MYO1D: variants seen among roughly 807,000 people sequenced by gnomAD.
The protein encoded by MYO1D is myosin ID.
Under a neutral mutation model 122.0 loss-of-function variants are expected in MYO1D, and 83 were observed. That is an observed-to-expected ratio of 0.68 (90% CI 0.57 to 0.82). The LOEUF (loss-of-function observed/expected upper bound fraction) is 0.82, where lower values mean the gene tolerates loss of function less well. MYO1D is among the 40% of genes least tolerant of loss of function. The pLI is 0.00. For missense variants in MYO1D, 1,157 were observed against 1,269.5 expected, an observed-to-expected ratio of 0.91 and a Z score of 1.35; for synonymous variants, 464 against 446.9, an observed-to-expected ratio of 1.04 and a Z score of -0.48.
At chr17:32,502,367 G>A (rs1212559463) in intron 21 of MYO1D, among the ~76,000 whole-genome samples, 5 of 152,298 alleles carry the variant, frequency 3.3e-5, no homozygotes, top group East Asian at 3.9e-4. Flanking sequence ...GCAAAGCCAC[G>A]GAGGCAGAAA....
At chr17:32,829,892 C>T (rs1369104664) in intron 1 of MYO1D, among the ~76,000 whole-genome samples, 1 of 152,132 alleles carries the variant, frequency 6.6e-6, no homozygotes, top group Non-Finnish European at 1.5e-5. Flanking sequence ...AACCCACTCA[C>T]CGCTAATCAA....
At chr17:32,690,245 C>T (rs192458507) in intron 16 of MYO1D, among the ~76,000 whole-genome samples, 45 of 149,210 alleles carry the variant, frequency 3.0e-4, no homozygotes, top group East Asian at 1.0e-3. Flanking sequence ...TGCAGTGGCG[C>T]GATCTTGGCT....
chr17:32,581,518 T>C (rs948625815), intron 21 of MYO1D, among the ~76,000 whole-genome samples: 2 of 151,568 alleles, frequency 1.3e-5, no homozygotes, highest in Non-Finnish European at 2.9e-5. Context: ...TCCTTTTCCT[T>C]TTCTCTCTCT....
intron 4 of MYO1D, among the ~76,000 whole-genome samples, chr17:32,774,380 T>C (rs1211353029): frequency 6.6e-6 from 1 of 152,220 alleles, no homozygotes; most frequent in East Asian, 1.9e-4. Context: ...ATGAAGCTAT[T>C]TTGATTTTTT....
rs921414884 is a variant in MYO1D, at chr17:32,654,360, G to T, written c.2490+117C>A. The T allele has an allele frequency of 2.6e-6, 3 of 1,146,964 alleles. No homozygotes were observed. In the African/African-American group the frequency reaches 4.7e-5, roughly 18 times the overall value. 71.0% of individuals were successfully genotyped at this position (1,146,964 alleles called of 1,614,324 possible). A position where few individuals can be genotyped will look rare whatever the true frequency, so the allele number is the denominator to read the frequency against. On this transcript the variant is annotated intron_variant, in intron 18 of 21. Coordinates refer to ENST00000318217, the MANE Select transcript of MYO1D (RefSeq NM_015194.3). ...CAATAAAATGTTTTAGTATCTCATA[G>T]AAATTATTTAGTTTCTAAAAGTGTT...
At chr17:32,762,604 TG>T (rs547363318) in intron 8 of MYO1D, among the ~76,000 whole-genome samples, 129 of 152,276 alleles carry the variant, frequency 8.5e-4, no homozygotes, top group Non-Finnish European at 1.7e-3. Context: ...CCAGGTGCAG[TG>T]GCTCATGCCT....
At chr17:32,573,650 G>C (rs2087251029) in intron 21 of MYO1D, among the ~76,000 whole-genome samples, 2 of 152,158 alleles carry the variant, frequency 1.3e-5, no homozygotes, top group African/African-American at 4.8e-5. Context: ...CTCCTGAGTA[G>C]ATGGGATGAC....
chr17:32,619,115 A>G (rs950296845), intron 20 of MYO1D, among the ~76,000 whole-genome samples: 2 of 152,164 alleles, frequency 1.3e-5, no homozygotes, highest in Admixed American at 6.5e-5. Context: ...TTTAATCCCA[A>G]ATAGACTGCT....
chr17:32,549,017 TTTAA>T (rs2086988781), intron 21 of MYO1D, among the ~76,000 whole-genome samples: 1 of 152,126 alleles, frequency 6.6e-6, no homozygotes, highest in East Asian at 1.9e-4. Flanking sequence ...CTGGCCGACT[TTTAA>T]TTATTTTTAT....
chr17:32,640,057 C>A (rs369925517), intron 19 of MYO1D, among the ~76,000 whole-genome samples: 3 of 152,136 alleles, frequency 2.0e-5, no homozygotes, highest in East Asian at 1.9e-4. Context: ...TTTATTCAAT[C>A]TTCTCCCCTT....
chr17:32,587,215 A>C (rs1368262531), intron 21 of MYO1D, among the ~76,000 whole-genome samples: 2 of 152,206 alleles, frequency 1.3e-5, no homozygotes, highest in African/African-American at 4.8e-5. Flanking sequence ...TCACTGAGTA[A>C]AAAGTAACTC....
At chr17:32,792,111 G>A (rs1357820395) in intron 1 of MYO1D, among the ~76,000 whole-genome samples, 1 of 152,170 alleles carries the variant, frequency 6.6e-6, no homozygotes, top group Non-Finnish European at 1.5e-5. Flanking sequence ...TGGACATTTA[G>A]TTTTGTTACT....
Position 32,788,810 on chromosome 17 carries a change from G to A in MYO1D, c.96-8026C>T, listed in dbSNP as rs192196996. On this transcript the variant is annotated intron_variant, in intron 1 of 21. Transcript: ENST00000318217. The stretch of plus-strand genomic sequence containing the variant: ...AAAAATGATAATGGTATTTTGATAG[G>A]AATTGCATTAAATCTATAGATTGCT... 4.9e-3 allele frequency among the ~76,000 whole-genome samples: 741 copies of A among 152,106 alleles called. 1 individual carries two copies. The highest frequency in any genetic ancestry group is 7.0e-3 in the Non-Finnish European group (477 of 67,986).
At chr17:32,725,977 A>G (rs1355444542) in intron 14 of MYO1D, among the ~76,000 whole-genome samples, 1 of 152,280 alleles carries the variant, frequency 6.6e-6, no homozygotes, top group East Asian at 1.9e-4. Flanking sequence ...CTGCTAACGT[A>G]GAATTTTACA....
intron 1 of MYO1D, among the ~76,000 whole-genome samples, chr17:32,870,073 AC>A (rs1337061384): frequency 6.6e-6 from 1 of 152,156 alleles, no homozygotes; most frequent in Non-Finnish European, 1.5e-5. Context: ...TCAAGAAATG[AC>A]CCTGAATAAA....
Position 32,564,357 on chromosome 17 carries a change from T to C in MYO1D, c.2864+40730A>G, listed in dbSNP as rs954412305. Among the ~76,000 whole-genome samples the C allele has an allele frequency of 2.0e-5, 3 of 152,218 alleles. No homozygotes were observed. In the East Asian group the frequency reaches 5.8e-4, roughly 29 times the overall value. On this transcript the variant is annotated intron_variant, in intron 21 of 21. Coordinates refer to ENST00000318217, the MANE Select transcript of MYO1D (RefSeq NM_015194.3). ...GATGTGAAGCTGACATCAGCTTCCTTCACAGTGTCACCTGGGAAAATCTTG... is the reference window on the plus strand; with the variant it reads ...GATGTGAAGCTGACATCAGCTTCCTCCACAGTGTCACCTGGGAAAATCTTG...
chr17:32,830,868 T>C (rs1196022000), intron 1 of MYO1D, among the ~76,000 whole-genome samples: 1 of 152,124 alleles, frequency 6.6e-6, no homozygotes, highest in African/African-American at 2.4e-5. Flanking sequence ...GACCAACCTG[T>C]GTAACGGTGA....
intron 21 of MYO1D, among the ~76,000 whole-genome samples, chr17:32,585,186 T>A (rs910359785): frequency 1.2e-4 from 18 of 152,176 alleles, no homozygotes; most frequent in African/African-American, 4.3e-4. Context: ...GTTCTCTGAA[T>A]CATCTGGTTC....
chr17:32,534,594 T>C (rs1437487802), intron 21 of MYO1D, among the ~76,000 whole-genome samples: 1 of 152,218 alleles, frequency 6.6e-6, no homozygotes. Flanking sequence ...AAATCCTTAA[T>C]GGGTATGAGA....
Sources: allele counts gnomAD v4.1 joint callset (sites outside exome capture counted in the v4.1 genomes callset), GRCh38; gene constraint gnomAD v4.1.1; transcripts MANE v1.5; gene names NCBI Gene and HGNC (gene_info 2026-07-23, HGNC 2026-07-21).